LOC400499: variants seen among roughly 807,000 people sequenced by gnomAD.
the LOC400499 span, among the ~76,000 whole-genome samples, chr16:11,386,699 G>C: frequency 6.6e-6 from 1 of 152,162 alleles, no homozygotes; most frequent in East Asian, 1.9e-4. Context: ...TCATGGTGGA[G>C]GAAACCGAGT....
chr16:11,456,955 TG>T, the LOC400499 span: 12 of 1,536,164 alleles, frequency 7.8e-6, no homozygotes, highest in Non-Finnish European at 9.6e-6. Context: ...AGGTGACTGC[TG>T]CTCTCCACAT....
At chr16:11,517,230 C>A in the LOC400499 span, among the ~76,000 whole-genome samples, 10 of 152,166 alleles carry the variant, frequency 6.6e-5, no homozygotes, top group Non-Finnish European at 1.5e-4. Flanking sequence ...ACCATCTACT[C>A]CCCTCTAACT....
the LOC400499 span, among the ~76,000 whole-genome samples, chr16:11,379,013 C>T: frequency 2.6e-5 from 4 of 152,188 alleles, no homozygotes; most frequent in Non-Finnish European, 5.9e-5. Context: ...CCTGTAACCC[C>T]AGCACTTTAG....
At chr16:11,439,960 A>G in the LOC400499 span, among the ~76,000 whole-genome samples, 6 of 152,082 alleles carry the variant, frequency 3.9e-5, no homozygotes, top group Non-Finnish European at 1.5e-5. Context: ...GGTTGCTGTT[A>G]CCATCCCATT....
chr16:11,412,140 C>T, the LOC400499 span, among the ~76,000 whole-genome samples: 1 of 152,148 alleles, frequency 6.6e-6, no homozygotes, highest in Non-Finnish European at 1.5e-5. Context: ...ACTGGGATTA[C>T]AGGTGTGAGC....
the LOC400499 span, among the ~76,000 whole-genome samples, chr16:11,454,593 G>T: frequency 6.6e-6 from 1 of 152,230 alleles, no homozygotes; most frequent in African/African-American, 2.4e-5. Context: ...CAAATGCTTG[G>T]AAAAGGCAAG....
At chr16:11,487,126 G>A in the LOC400499 span, 24,782 of 396,820 alleles carry the variant, frequency 0.062, 1,765 homozygotes, top group East Asian at 0.26. Flanking sequence ...TGGGCAGGTG[G>A]GTGACTAGAT....
chr16:11,391,788 A>G, the LOC400499 span: 1 of 1,232,184 alleles, frequency 8.1e-7, no homozygotes. Context: ...ACTCGCCTGC[A>G]TGGCCTCCCG....
the LOC400499 span, among the ~76,000 whole-genome samples, chr16:11,403,684 G>A: frequency 1.3e-5 from 2 of 152,208 alleles, no homozygotes; most frequent in African/African-American, 4.8e-5. Context: ...GCTCTGCTCT[G>A]TGCTCAGGAG....
the LOC400499 span, among the ~76,000 whole-genome samples, chr16:11,465,913 GAAGAAAA>G: frequency 1.3e-5 from 2 of 151,744 alleles, no homozygotes; most frequent in African/African-American, 4.8e-5. Flanking sequence ...AGGAAGAAAG[GAAGAAAA>G]AAGAAAAGAG....
chr16:11,521,923 T>G, the LOC400499 span: 1 of 399,186 alleles, frequency 2.5e-6, no homozygotes, highest in South Asian at 1.3e-4. Flanking sequence ...AGCATCAACG[T>G]GATCTCCCGG....
chr16:11,377,333 C>G, the LOC400499 span, among the ~76,000 whole-genome samples: 1 of 152,112 alleles, frequency 6.6e-6, no homozygotes, highest in African/African-American at 2.4e-5. Flanking sequence ...AATTTGGATG[C>G]CTTTTCTTTC....
the LOC400499 span, among the ~76,000 whole-genome samples, chr16:11,451,430 A>C: frequency 1.3e-5 from 2 of 152,106 alleles, no homozygotes; most frequent in African/African-American, 4.8e-5. Flanking sequence ...AAATACAAAA[A>C]TTAGCCAGGC....
chr16:11,471,082 C>A, the LOC400499 span, among the ~76,000 whole-genome samples: 2 of 152,084 alleles, frequency 1.3e-5, no homozygotes, highest in Non-Finnish European at 2.9e-5. Context: ...GTAACAGAAG[C>A]CATAGGGGGG....
chr16:11,523,485 A>G, the LOC400499 span: 1 of 398,698 alleles, frequency 2.5e-6, no homozygotes, highest in Non-Finnish European at 4.4e-6. Context: ...TGAAATCGCA[A>G]ATCAGATGGA....
the LOC400499 span, chr16:11,390,033 G>C: frequency 2.0e-6 from 2 of 1,018,728 alleles, no homozygotes; most frequent in Non-Finnish European, 2.5e-6. Flanking sequence ...GTCGGAAGGT[G>C]TCAAAGCATT....
the LOC400499 span, among the ~76,000 whole-genome samples, chr16:11,426,261 C>A: frequency 6.6e-6 from 1 of 152,054 alleles, no homozygotes; most frequent in Non-Finnish European, 1.5e-5. Context: ...CATGGTGAAA[C>A]CCTGTCTCTA....
chr16:11,421,098 TG>T, the LOC400499 span, among the ~76,000 whole-genome samples: 1 of 152,130 alleles, frequency 6.6e-6, no homozygotes, highest in Non-Finnish European at 1.5e-5. Flanking sequence ...CTGACCTTGA[TG>T]GTGCCAAGGT....
chr16:11,401,509 G>A, the LOC400499 span: 1 of 398,610 alleles, frequency 2.5e-6, no homozygotes, highest in African/African-American at 2.1e-5. Flanking sequence ...GGCTGCAAAA[G>A]GGCAGGTGGC....
Sources: gnomAD v4.1 joint callset for allele counts (sites outside exome capture counted in the v4.1 genomes callset) on GRCh38, gnomAD v4.1.1 for gene constraint, MANE v1.5 for transcripts.